The following ARHGEF1 variants were observed in gnomAD, a reference collection of about 807,000 sequenced individuals.
ARHGEF1 encodes Rho guanine nucleotide exchange factor 1.
Under a neutral mutation model 119.7 loss-of-function variants are expected in ARHGEF1, and 40 were observed. The observed-to-expected ratio is 0.33, with a 90% confidence interval of 0.26 to 0.44. The LOEUF (loss-of-function observed/expected upper bound fraction) is 0.44. Ranked by LOEUF, ARHGEF1 falls within the 20% of genes least tolerant of loss-of-function variation. The pLI is 1.00. For synonymous variants in ARHGEF1, 494 were observed against 521.0 expected, an observed-to-expected ratio of 0.95 and a Z score of 0.71; for missense variants, 976 against 1,268.3, an observed-to-expected ratio of 0.77 and a Z score of 3.50.
downstream of ARHGEF1, chr19:41,909,327 G>A (rs2074739599): frequency 2.4e-6 from 3 of 1,235,710 alleles, no homozygotes; most frequent in South Asian, 4.1e-5. The surrounding 1 kb of genome is among the most constrained non-coding windows in gnomAD (Gnocchi z 5.2). Flanking sequence ...CAAAGGGACT[G>A]GGGGTCAGCA....
chr19:41,904,909 G>A lies in ARHGEF1; in HGVS notation c.2162-40G>A. ...GCTTAGGGAGGGGCAGGCACTGGGG[G>A]GACCTGGGCTCTGAGCCCCATCTCC... On this transcript the variant is annotated intron_variant, in intron 22 of 28. Transcript: ENST00000354532. This position sits in a 1 kb window ranked among gnomAD's most constrained non-coding sequence, Gnocchi z 8.4. The A allele has an allele frequency of 6.4e-7, 1 of 1,561,690 alleles. No homozygotes were observed. The highest frequency in any genetic ancestry group is 8.8e-7 in the Non-Finnish European group (1 of 1,132,852).
At chr19:41,895,554 T>G in intron 12 of ARHGEF1, 68 bp downstream of exon 12, 1 of 1,500,404 alleles carries the variant, frequency 6.7e-7, no homozygotes. Context: ...GCCTGCCCCC[T>G]TGGCACCCCC....
rs2074776818 is a variant in ARHGEF1 at position 41,914,572 on chromosome 19, T to TTTCCCTCCCCCTCCA, written c.1865+7769_1865+7770insTTCCCTCCCCCTCCA. 1.5e-4 allele frequency among the ~76,000 whole-genome samples: 4 copies of TTTCCCTCCCCCTCCA among 26,510 alleles called. 1 individual carries two copies. The highest frequency in any genetic ancestry group is 3.2e-4 in the Non-Finnish European group (4 of 12,330). The allele number at this position is 26,510 out of a possible 152,430, so 17.4% of individuals were successfully genotyped here. On this transcript the variant is annotated intron_variant, in intron 18 of 20. Transcript: ENST00000599589. Reference sequence around the variant, plus strand: ...TCCCTCCCCTTCCACCATCTCTGTCTCCGTCTCTCCCTCCCTTTCCACCAT... The same window carrying TTTCCCTCCCCCTCCA: ...TCCCTCCCCTTCCACCATCTCTGTCTTTCCCTCCCCCTCCACCGTCTCTCCCTCCCTTTCCACCAT...
At chr19:41,884,212 A>T (rs1341801746) in intron 1 of ARHGEF1, among the ~76,000 whole-genome samples, 8 of 152,018 alleles carry the variant, frequency 5.3e-5, no homozygotes. Flanking sequence ...GGGGCAGTCG[A>T]GATACGGAAA....
rs781904321 is a variant in ARHGEF1 at position 41,888,222 on chromosome 19, G to C, written c.55G>C (p.Val19Leu). ...CCCAGGCCCCTCCCGGCCTGGCCTG[G>C]TTCCCGTCAGCATCATCGGGGCTGA... ...ASPGPSRPGLVPVSIIGAEDE... is the reference protein window; with the variant it reads ...ASPGPSRPGLLPVSIIGAEDE... The change falls in exon 3 of 29, where the codon GTT (valine) becomes CTT (leucine). Residue 19 changes from valine (V) to leucine (L), a missense_variant. Val to Leu is a conservative substitution (Grantham distance 32). Coordinates refer to ENST00000354532, the MANE Select transcript of ARHGEF1 (RefSeq NM_004706.4). This position sits in a 1 kb window ranked among gnomAD's most constrained non-coding sequence, Gnocchi z 5.1. The C allele has an allele frequency of 6.2e-6, 10 of 1,614,050 alleles. No homozygotes were observed. In the Admixed American group the frequency reaches 1.7e-4, roughly 27 times the overall value.
At chr19:41,912,596 C>T (rs1555851359) in intron 18 of ARHGEF1, among the ~76,000 whole-genome samples, 2 of 152,218 alleles carry the variant, frequency 1.3e-5, no homozygotes, top group African/African-American at 4.8e-5. Context: ...CCCCTCCGTC[C>T]TCACCCCTCA....
chr19:41,926,984 G>T (rs782552730), intron 1 of ARHGEF1, among the ~76,000 whole-genome samples: 1 of 152,040 alleles, frequency 6.6e-6, no homozygotes, highest in Admixed American at 6.5e-5. Context: ...GAGAAAGGAA[G>T]AGAGAGAGAT....
At chr19:41,909,848 CA>C, downstream of ARHGEF1, 1 of 1,596,774 alleles carries the variant, frequency 6.3e-7, no homozygotes, top group Non-Finnish European at 8.5e-7. The surrounding 1 kb of genome is among the most constrained non-coding windows in gnomAD (Gnocchi z 5.2). Context: ...GATCCAGCCC[CA>C]AGCCCTTCCT....
intron 18 of ARHGEF1, among the ~76,000 whole-genome samples, chr19:41,914,596 A>G (rs139665610): frequency 0.042 from 849 of 20,158 alleles, 91 homozygotes; most frequent in East Asian, 0.07. Flanking sequence ...CCTTTCCACC[A>G]TCTCTGTCTC....
downstream of ARHGEF1, among the ~76,000 whole-genome samples, chr19:41,911,077 G>A (rs543534550): frequency 2.0e-5 from 3 of 152,284 alleles, no homozygotes; most frequent in East Asian, 3.9e-4. Context: ...CAGACACACA[G>A]GGTGACAGCA....
intron 18 of ARHGEF1, among the ~76,000 whole-genome samples, chr19:41,915,231 G>T (rs911263601): frequency 7.2e-6 from 1 of 138,486 alleles, no homozygotes; most frequent in Admixed American, 8.0e-5. Context: ...ACGTTATAAC[G>T]AGGAGCCGTG....
chr19:41,906,150 C>G lies in ARHGEF1; in HGVS notation c.2491+125C>G. On this transcript the variant is annotated intron_variant, in intron 26 of 28. Coordinates refer to ENST00000354532, the MANE Select transcript of ARHGEF1 (RefSeq NM_004706.4). The surrounding 1 kb of genome is among the most constrained non-coding windows in gnomAD (Gnocchi z 4.5). ...GCTGCCAGAAAACAAATGCTCCAAA[C>G]CCACCCAGCCTGCACCACTGTCCTG... The G allele has an allele frequency of 1.1e-6, 1 of 919,098 alleles. No individual in the cohort carries two copies. 56.9% of individuals were successfully genotyped at this position (919,098 alleles called of 1,614,324 possible). A position where few individuals can be genotyped will look rare whatever the true frequency, so the allele number is the denominator to read the frequency against.
intron 1 of ARHGEF1, among the ~76,000 whole-genome samples, chr19:41,925,576 T>C (rs972192033): frequency 6.6e-6 from 1 of 151,968 alleles, no homozygotes; most frequent in Non-Finnish European, 1.5e-5. Context: ...GAGGAAGGCA[T>C]AATGGCAGGG....
At chr19:41,899,231 C>T (rs2074559878) in intron 14 of ARHGEF1, among the ~76,000 whole-genome samples, 1 of 152,000 alleles carries the variant, frequency 6.6e-6, no homozygotes, top group Non-Finnish European at 1.5e-5. Flanking sequence ...TCAAGTGATC[C>T]TCCTACCTCA....
Position 41,883,641 on chromosome 19 carries a change from G to T in ARHGEF1, c.-20+352G>T, listed in dbSNP as rs553718478. Among the ~76,000 whole-genome samples the T allele has an allele frequency of 7.2e-5, 11 of 152,260 alleles. No homozygotes were observed. The South Asian group carries it at 2.3e-3, about 32-fold the overall frequency. On this transcript the variant is annotated intron_variant, in intron 1 of 28. Coordinates refer to ENST00000354532, the MANE Select transcript of ARHGEF1 (RefSeq NM_004706.4). The surrounding 1 kb of genome is among the most constrained non-coding windows in gnomAD (Gnocchi z 7.6). ...CCCAGGGAACGCACATCGTGAGAAA[G>T]TGTGGAGTTGGGATTTGAACTCGCA...
chr19:41,895,561 C>G, intron 12 of ARHGEF1, 75 bp downstream of exon 12: 1 of 1,478,988 alleles, frequency 6.8e-7, no homozygotes, highest in Non-Finnish European at 9.0e-7. Flanking sequence ...CCCTTGGCAC[C>G]CCCAGATAGA....
At chr19:41,924,530 C>T (rs2074860383) in intron 1 of ARHGEF1, among the ~76,000 whole-genome samples, 1 of 152,034 alleles carries the variant, frequency 6.6e-6, no homozygotes, top group Non-Finnish European at 1.5e-5. Flanking sequence ...CCTTTATCCT[C>T]ATTCTCGTTG....
chr19:41,905,140 C>T lies in ARHGEF1; in HGVS notation c.2250-35C>T. On this transcript the variant is annotated intron_variant, in intron 23 of 28. Transcript: ENST00000354532. The surrounding 1 kb of genome is among the most constrained non-coding windows in gnomAD (Gnocchi z 6.4). ...GAGGCCCTGGCATAGGGTCTGGGGG[C>T]TCTGACTGCCCAGGGATTTGGCCTT... 6.2e-7 allele frequency: 1 copy of T among 1,612,552 alleles called. No homozygotes were observed. The highest frequency in any genetic ancestry group is 8.5e-7 in the Non-Finnish European group (1 of 1,178,750).
rs1010175634 is a variant in ARHGEF1, at chr19:41,904,716, A to T, written c.2162-233A>T. On this transcript the variant is annotated intron_variant, in intron 22 of 28. Coordinates refer to ENST00000354532, the MANE Select transcript of ARHGEF1 (RefSeq NM_004706.4). The surrounding 1 kb of genome is among the most constrained non-coding windows in gnomAD (Gnocchi z 8.4). ...GCGGCTGGAGGGTGGGAGTGGCTGG[A>T]GGGGTTTCGTTAGGTAAGCCAGGGT... Among the ~76,000 whole-genome samples, 25 of 151,456 alleles carry T rather than the reference A, an allele frequency of 1.7e-4. No individual in the cohort carries two copies. The highest frequency in any genetic ancestry group is 5.9e-4 in the Admixed American group (9 of 15,226).
Sources: gnomAD v4.1 joint callset for allele counts (sites outside exome capture counted in the v4.1 genomes callset) on GRCh38, gnomAD v4.1.1 for gene constraint, Gnocchi (gnomAD v3.1) non-coding constraint, MANE v1.5 for transcripts, NCBI Gene and HGNC (gene_info 2026-07-23, HGNC 2026-07-21) for gene names.